SPOCK1: variants seen among roughly 807,000 people sequenced by gnomAD.
SPOCK1 encodes testican-1.
A neutral mutation model predicts 55.3 loss-of-function variants in SPOCK1; 23 were observed. The observed-to-expected ratio is 0.42, with a 90% CI of 0.30 to 0.59. The LOEUF (loss-of-function observed/expected upper bound fraction) is 0.59. SPOCK1 is among the 20% of genes least tolerant of loss of function. The pLI is 0.22. For missense variants in SPOCK1, 499 were observed against 552.5 expected (o/e 0.90, Z 0.97); for synonymous variants, 226 against 221.0 (o/e 1.02, Z -0.20).
chr5:136,985,519 G>A (rs1160855520), intron 8 of SPOCK1, among the ~76,000 whole-genome samples: 2 of 152,180 alleles, frequency 1.3e-5, no homozygotes, highest in East Asian at 3.9e-4. Flanking sequence ...CTATCAGGAA[G>A]CAAGTAATCA....
At chr5:137,334,485 A>G (rs1750196968) in intron 2 of SPOCK1, among the ~76,000 whole-genome samples, 1 of 152,186 alleles carries the variant, frequency 6.6e-6, no homozygotes, top group South Asian at 2.1e-4. Flanking sequence ...TTTCAATTCC[A>G]GGAGTGTGGG....
intron 2 of SPOCK1, among the ~76,000 whole-genome samples, chr5:137,389,480 TG>T (rs1460201463): frequency 6.6e-6 from 1 of 152,266 alleles, no homozygotes; most frequent in Non-Finnish European, 1.5e-5. Flanking sequence ...CCTGACTTTG[TG>T]GATTTGACAC....
At chr5:137,356,797 TAATATATA>T (rs1163758381) in intron 2 of SPOCK1, among the ~76,000 whole-genome samples, 295 of 24,262 alleles carry the variant, frequency 0.012, 7 homozygotes, top group Admixed American at 0.018. Flanking sequence ...TCAAAAAAAA[TAATATATA>T]TATATATATA....
intron 2 of SPOCK1, among the ~76,000 whole-genome samples, chr5:137,395,930 T>C (rs997777147): frequency 6.6e-5 from 10 of 152,156 alleles, no homozygotes; most frequent in Admixed American, 2.0e-4. Flanking sequence ...TCCCCCCCAA[T>C]ACAAATAGAA....
intron 2 of SPOCK1, among the ~76,000 whole-genome samples, chr5:137,390,309 C>T (rs866271190): frequency 1.3e-5 from 2 of 152,162 alleles, no homozygotes; most frequent in African/African-American, 4.8e-5. Flanking sequence ...GACATTTGTT[C>T]CGTGGCTGCT....
intron 2 of SPOCK1, among the ~76,000 whole-genome samples, chr5:137,272,185 GATCA>G (rs1756976685): frequency 6.6e-6 from 1 of 152,194 alleles, no homozygotes; most frequent in African/African-American, 2.4e-5. Flanking sequence ...TTTAGAAAGA[GATCA>G]ATGAAGGGAC....
At chr5:137,107,832 A>G (rs1753396790) in intron 5 of SPOCK1, among the ~76,000 whole-genome samples, 1 of 152,226 alleles carries the variant, frequency 6.6e-6, no homozygotes, top group Non-Finnish European at 1.5e-5. Context: ...TGATGCTCAC[A>G]CAGCCATGGA....
intron 9 of SPOCK1, among the ~76,000 whole-genome samples, chr5:136,982,344 G>GTATAACTCTCCTTTAAAATACTAAT (rs1750749030): frequency 6.6e-6 from 1 of 152,118 alleles, no homozygotes; most frequent in Non-Finnish European, 1.5e-5. Context: ...AATTATTTTT[G>GTATAACTCTCCTTTAAAATACTAAT]TATAACTCTC....
chr5:137,153,937 A>C (rs1002428591), intron 3 of SPOCK1, among the ~76,000 whole-genome samples: 1 of 152,022 alleles, frequency 6.6e-6, no homozygotes, highest in Non-Finnish European at 1.5e-5. Context: ...TAGATAAGGA[A>C]GAGAGGTAAG....
At chr5:137,384,415 A>G (rs1035538700) in intron 2 of SPOCK1, among the ~76,000 whole-genome samples, 3 of 152,184 alleles carry the variant, frequency 2.0e-5, no homozygotes. Flanking sequence ...CTCACCAGGT[A>G]TGCCACCATG....
chr5:137,332,678 TAC>T (rs948497963), intron 2 of SPOCK1, among the ~76,000 whole-genome samples: 2 of 152,204 alleles, frequency 1.3e-5, no homozygotes, highest in African/African-American at 4.8e-5. Context: ...TTTCAGATGA[TAC>T]AGTGTCATGC....
intron 4 of SPOCK1, among the ~76,000 whole-genome samples, chr5:137,122,921 C>T (rs76672427): frequency 6.6e-6 from 1 of 152,228 alleles, no homozygotes; most frequent in Non-Finnish European, 1.5e-5. Flanking sequence ...AGCAGCAAAG[C>T]CCCCTGTTCT....
chr5:137,398,556 C>T (rs567367672), intron 2 of SPOCK1, among the ~76,000 whole-genome samples: 3 of 152,238 alleles, frequency 2.0e-5, no homozygotes, highest in South Asian at 4.1e-4. Context: ...ATATGCAGAA[C>T]ACATTCTTCT....
intron 6 of SPOCK1, among the ~76,000 whole-genome samples, chr5:137,057,031 T>C (rs1034069403): frequency 2.0e-5 from 3 of 152,196 alleles, no homozygotes; most frequent in Non-Finnish European, 1.5e-5. Context: ...GCAGACCCTA[T>C]GGTCTCCTCT....
chr5:137,371,965 C>A (rs188269432), intron 2 of SPOCK1, among the ~76,000 whole-genome samples: 1 of 152,148 alleles, frequency 6.6e-6, no homozygotes, highest in Non-Finnish European at 1.5e-5. Context: ...GAATTTCTGG[C>A]GGTCACACTA....
chr5:137,364,762 G>A (rs960757414), intron 2 of SPOCK1, among the ~76,000 whole-genome samples: 15 of 152,220 alleles, frequency 9.9e-5, no homozygotes, highest in Admixed American at 7.9e-4. Context: ...ACCAAGGATA[G>A]AGCAGGATTT....
Position 137,103,289 on chromosome 5 carries a change from T to C in SPOCK1, c.474+9146A>G, listed in dbSNP as rs140560507. On this transcript the variant is annotated intron_variant, in intron 5 of 10. Coordinates refer to ENST00000394945, the MANE Select transcript of SPOCK1 (RefSeq NM_004598.4). ...GTATGAGCCACCACGCCGGCTTTGTTCTTCTTTTAATAATGTAACTTTCCT... is the reference window on the plus strand; with the variant it reads ...GTATGAGCCACCACGCCGGCTTTGTCCTTCTTTTAATAATGTAACTTTCCT... 7.2e-3 allele frequency among the ~76,000 whole-genome samples: 1,092 copies of C among 152,302 alleles called. 13 individuals carry two copies. Among genetic ancestry groups the C allele is most frequent in the African/African-American group, 0.024 (1,002 of 41,548 alleles).
intron 6 of SPOCK1, among the ~76,000 whole-genome samples, chr5:137,050,609 C>G (rs537040332): frequency 1.6e-4 from 24 of 152,210 alleles, no homozygotes; most frequent in Non-Finnish European, 2.9e-4. Flanking sequence ...TTCTGCGTCG[C>G]TCACGCTGGG....
At chr5:137,000,154 C>G (rs1184805327) in intron 6 of SPOCK1, among the ~76,000 whole-genome samples, 1 of 152,150 alleles carries the variant, frequency 6.6e-6, no homozygotes, top group Non-Finnish European at 1.5e-5. Context: ...AGCTCGGAGG[C>G]CTCTCAGAAA....
Sources: gnomAD v4.1 joint callset for allele counts (sites outside exome capture counted in the v4.1 genomes callset) on GRCh38, gnomAD v4.1.1 for gene constraint, MANE v1.5 for transcripts, NCBI Gene and HGNC (gene_info 2026-07-23, HGNC 2026-07-21) for gene names.